Variants in TRPM7 observed in about 807,000 individuals in gnomAD.
The protein encoded by TRPM7 is transient receptor potential cation channel subfamily M member 7.
A neutral mutation model predicts 229.7 loss-of-function variants in TRPM7; 134 were observed. That is an observed-to-expected ratio of 0.58 (90% CI 0.51 to 0.67). The LOEUF (loss-of-function observed/expected upper bound fraction) is 0.67. Ranked by LOEUF, TRPM7 falls within the 30% of genes least tolerant of loss-of-function variation. The pLI is 0.00. For missense variants in TRPM7, 1,901 were observed against 2,210.0 expected (o/e 0.86, Z 2.80); for synonymous variants, 699 against 715.2 (o/e 0.98, Z 0.36).
Position 50,633,003 on chromosome 15 carries a change from A to C in TRPM7, c.1008-11T>G. The stretch of plus-strand genomic sequence containing the variant: ...GCATCAGGAAGATTCCTGGAATAAA[A>C]GGAAACATAATTCACTGATTTCATC... On this transcript the variant is annotated splice_polypyrimidine_tract_variant and intron_variant, in intron 8 of 38. Coordinates refer to ENST00000646667, the MANE Select transcript of TRPM7 (RefSeq NM_017672.6). 2 of 1,578,840 alleles carry C rather than the reference A, an allele frequency of 1.3e-6. No homozygotes were observed. Among genetic ancestry groups the C allele is most frequent in the Non-Finnish European group, 1.7e-6 (2 of 1,169,590 alleles).
chr15:50,584,796 G>C (rs2054607344), intron 28 of TRPM7, among the ~76,000 whole-genome samples: 1 of 151,946 alleles, frequency 6.6e-6, no homozygotes, highest in Non-Finnish European at 1.5e-5. Flanking sequence ...TACTAACTTA[G>C]GAATAACATC....
chr15:50,639,548 C>T lies in TRPM7; in HGVS notation c.536G>A (p.Gly179Asp). The T allele has an allele frequency of 6.3e-7, 1 of 1,597,422 alleles. No individual in the cohort carries two copies. Among genetic ancestry groups the T allele is most frequent in the Non-Finnish European group, 8.5e-7 (1 of 1,174,148 alleles). Residue 179 changes from glycine to aspartate, a missense_variant and splice_region_variant, in exon 6 of 39, where the codon GGT becomes GAT. By Grantham distance (94) the Gly-to-Asp change is moderately conservative. Coordinates refer to ENST00000646667, the MANE Select transcript of TRPM7 (RefSeq NM_017672.6). Reference protein sequence around the residue: ...AWILTGGVNTGVAKHVGDALK... With the variant: ...AWILTGGVNTDVAKHVGDALK... ...GGCATCTCCAACATGTTTTGCCACACCTGTTCATAAAAAAAGTTTATTCAT... is the reference window on the plus strand; with the variant it reads ...GGCATCTCCAACATGTTTTGCCACATCTGTTCATAAAAAAAGTTTATTCAT...
At chr15:50,575,167 A>C in intron 33 of TRPM7, 32 bp from the exon 34 acceptor site, 1 of 1,522,912 alleles carries the variant, frequency 6.6e-7, no homozygotes, top group Non-Finnish European at 8.8e-7. Context: ...TTTAAGATTA[A>C]ATTGTGACTT....
At chr15:50,572,816 A>G (rs1164252092) in intron 36 of TRPM7, among the ~76,000 whole-genome samples, 1 of 152,180 alleles carries the variant, frequency 6.6e-6, no homozygotes. Context: ...AATCTTTTAT[A>G]TTTATACCTG....
intron 1 of TRPM7, among the ~76,000 whole-genome samples, chr15:50,669,118 G>A (rs1329026358): frequency 6.6e-6 from 1 of 152,144 alleles, no homozygotes; most frequent in Admixed American, 6.6e-5. Flanking sequence ...AAAGGTATTT[G>A]AGGGTACAAA....
At chr15:50,595,528 T>C (rs904560883) in intron 23 of TRPM7, among the ~76,000 whole-genome samples, 4 of 151,836 alleles carry the variant, frequency 2.6e-5, no homozygotes, top group Non-Finnish European at 4.4e-5. Flanking sequence ...TCTGAAATAA[T>C]GTTCATGATG....
rs770969225 is a variant in TRPM7 at position 50,575,782 on chromosome 15, T to C, written c.4677A>G (p.Glu1559=). ...MDTNYYYSAV[E]RNNLMRLSQS... ...GTGATAACCTCATCAAGTTATTTCT[T>C]TCCACAGCTGCATAAAAATGAGAGA... is the stretch of plus-strand genomic sequence containing the variant. The change falls in exon 33 of 39, where the codon GAA becomes GAG. Residue 1559 remains glutamate, a synonymous_variant. Coordinates refer to ENST00000646667, the MANE Select transcript of TRPM7 (RefSeq NM_017672.6). 1.7e-5 allele frequency: 28 copies of C among 1,613,426 alleles called. No individual in the cohort carries two copies. The highest frequency in any genetic ancestry group is 1.7e-6 in the Non-Finnish European group (2 of 1,179,750).
intron 15 of TRPM7, 150 bp downstream of exon 15, chr15:50,613,557 C>G (rs906194809): frequency 1.6e-4 from 54 of 328,934 alleles, no homozygotes; most frequent in African/African-American, 3.8e-4. Context: ...ATTAATATCT[C>G]TGTGTGTGAG....
At chr15:50,589,440 C>A in intron 27 of TRPM7, 152 bp downstream of exon 27, 2 of 481,266 alleles carry the variant, frequency 4.2e-6, no homozygotes, top group Non-Finnish European at 7.3e-6. Context: ...TTTTTTCAAA[C>A]TGAGGACAGC....
chr15:50,608,971 T>C (rs2059992570), intron 19 of TRPM7, among the ~76,000 whole-genome samples: 1 of 152,146 alleles, frequency 6.6e-6, no homozygotes. Flanking sequence ...AAACAACACA[T>C]AAACACCTAC....
At chr15:50,628,581 C>T (rs1035872491) in intron 10 of TRPM7, among the ~76,000 whole-genome samples, 2 of 152,194 alleles carry the variant, frequency 1.3e-5, no homozygotes, top group Non-Finnish European at 2.9e-5. Flanking sequence ...GCTAGGATTA[C>T]AAGTGTGAGC....
intron 36 of TRPM7, among the ~76,000 whole-genome samples, chr15:50,572,990 T>C (rs569502363): frequency 3.2e-4 from 48 of 152,320 alleles, no homozygotes; most frequent in African/African-American, 1.1e-3. Context: ...TTTAACTTCC[T>C]TTGACTCACT....
chr15:50,679,363 T>C (rs2062176734), intron 1 of TRPM7, among the ~76,000 whole-genome samples: 1 of 149,988 alleles, frequency 6.7e-6, no homozygotes, highest in African/African-American at 2.5e-5. Context: ...ACTTGGACGC[T>C]TGGACGTTCA....
At chr15:50,662,386 T>G (rs1440067979) in intron 2 of TRPM7, among the ~76,000 whole-genome samples, 2 of 151,958 alleles carry the variant, frequency 1.3e-5, no homozygotes, top group Non-Finnish European at 2.9e-5. Flanking sequence ...AAATATTTCA[T>G]GAGCTCAACT....
chr15:50,592,002 G>C lies in TRPM7; in HGVS notation c.4233C>G (p.Cys1411Trp), dbSNP rs1201543272. Residue 1411 changes from cysteine to tryptophan, a missense_variant, in exon 26 of 39, where the codon TGC becomes TGG. Physicochemically the swap from Cys to Trp is radical, Grantham distance 215. This residue lies in a region of TRPM7 where 533 missense variants were observed against 497.1 expected (regional missense o/e 1.07). Transcript: ENST00000646667. ...FFVSTPSQPS[C>W]KSHLETGTKD... ...TGGTTCCAGTTTCCAAGTGGCTTTT[G>C]CAACTTGGCTGAGATGGTGTACTAA... 3.7e-6 allele frequency: 6 copies of C among 1,612,468 alleles called. No homozygotes were observed. Among genetic ancestry groups the C allele is most frequent in the South Asian group, 1.1e-5 (1 of 90,406 alleles).
At chr15:50,677,365 T>C (rs947389412) in intron 1 of TRPM7, among the ~76,000 whole-genome samples, 4 of 151,870 alleles carry the variant, frequency 2.6e-5, no homozygotes, top group African/African-American at 7.3e-5. Flanking sequence ...CTTCAAGATA[T>C]GAATTCTCGG....
intron 38 of TRPM7, among the ~76,000 whole-genome samples, chr15:50,566,510 A>C (rs1217818289): frequency 6.6e-6 from 1 of 152,110 alleles, no homozygotes; most frequent in Non-Finnish European, 1.5e-5. Context: ...ATCCTGGCCA[A>C]CATGGTGAAA....
At chr15:50,642,666 T>C (rs2061138560) in intron 5 of TRPM7, among the ~76,000 whole-genome samples, 1 of 152,188 alleles carries the variant, frequency 6.6e-6, no homozygotes, top group Non-Finnish European at 1.5e-5. Context: ...TGAGGCTCCC[T>C]AGTCATGCTG....
At chr15:50,640,369 C>T (rs751153575) in intron 5 of TRPM7, among the ~76,000 whole-genome samples, 7 of 151,866 alleles carry the variant, frequency 4.6e-5, no homozygotes, top group East Asian at 1.9e-4. Flanking sequence ...CTTGACCTCC[C>T]GGGCTCAAGT....
Sources: gnomAD v4.1 joint callset for allele counts (sites outside exome capture counted in the v4.1 genomes callset) on GRCh38, gnomAD v4.1.1 for gene constraint, gnomAD v4.1.1 regional missense constraint, MANE v1.5 for transcripts, NCBI Gene and HGNC (gene_info 2026-07-23, HGNC 2026-07-21) for gene names.